Variants in PCDHA2 observed in about 807,000 individuals in gnomAD.
PCDHA2 encodes protocadherin alpha-2.
Under a neutral mutation model 66.0 loss-of-function variants are expected in PCDHA2, and 58 were observed. The observed-to-expected ratio is 0.88, with a 90% CI of 0.71 to 1.09. The LOEUF is 1.09. Ranked by LOEUF, PCDHA2 falls within the 50% of genes least tolerant of loss-of-function variation. The pLI is 0.00. For missense variants in PCDHA2, 1,267 were observed against 1,242.3 expected, an observed-to-expected ratio of 1.02 and a Z score of -0.30; for synonymous variants, 634 against 554.0, an observed-to-expected ratio of 1.14 and a Z score of -2.03.
At chr5:140,918,562 A>G (rs536690328) in intron 1 of PCDHA2, among the ~76,000 whole-genome samples, 17 of 152,330 alleles carry the variant, frequency 1.1e-4, no homozygotes, top group African/African-American at 3.4e-4. Context: ...AGAAGAATGT[A>G]TATTATGCTG....
intron 1 of PCDHA2, chr5:140,824,865 T>C (rs1306398379): frequency 1.3e-5 from 2 of 152,140 alleles, no homozygotes; most frequent in Non-Finnish European, 1.5e-5. Flanking sequence ...TTCAATTGTA[T>C]TTTTGCAGCA....
rs1317761194 is a variant in PCDHA2 at position 140,848,794 on chromosome 5, C to T, written c.2388+51442C>T. The T allele has an allele frequency of 3.1e-6, 5 of 1,592,486 alleles. No homozygotes were observed. The African/African-American group carries it at 5.4e-5, about 17-fold the overall frequency. On this transcript the variant is annotated intron_variant, in intron 1 of 3. Transcript: ENST00000526136. ...CGCGAGGAGCTGTGCGGGCGGAGCG[C>T]GGAGTGCAGCATCCACCTGGAGGTG...
In PCDHA2 at chr5:140,877,706, T is replaced by C. The variant is rs142399025; in HGVS notation, c.2388+80354T>C. On this transcript the variant is annotated intron_variant, in intron 1 of 3. Coordinates refer to ENST00000526136, the MANE Select transcript of PCDHA2 (RefSeq NM_018905.3). ...CCCACGCTGGTGTGCTCCAGCGCCG[T>C]GGGGAGTTGGTCTTACTCGCAGCAG... is the stretch of plus-strand genomic sequence containing the variant. The C allele has an allele frequency of 5.8e-4, 943 of 1,613,918 alleles. 7 individuals carry two copies. In the African/African-American group the frequency reaches 0.011, roughly 19 times the overall value.
chr5:140,901,263 G>A (rs967047702), intron 1 of PCDHA2, among the ~76,000 whole-genome samples: 1 of 151,938 alleles, frequency 6.6e-6, no homozygotes, highest in Admixed American at 6.6e-5. Flanking sequence ...GTGATTGTGG[G>A]GTATTACTCA....
At chr5:140,951,507 C>A (rs2094591964) in intron 1 of PCDHA2, among the ~76,000 whole-genome samples, 1 of 151,952 alleles carries the variant, frequency 6.6e-6, no homozygotes, top group African/African-American at 2.4e-5. Flanking sequence ...AAAAGGAAAG[C>A]GGCTCATCTT....
rs73793505 is a variant in PCDHA2, at chr5:140,858,470, T to C, written c.2388+61118T>C. The C allele has an allele frequency of 3.2e-3, 4,807 of 1,519,778 alleles. 358 individuals are homozygous for C. In the African/African-American group the frequency reaches 0.058, roughly 18 times the overall value. 94.1% of individuals were successfully genotyped at this position (1,519,778 alleles called of 1,614,324 possible). A position where few individuals can be genotyped will look rare whatever the true frequency, so the allele number is the denominator to read the frequency against. On this transcript the variant is annotated intron_variant, in intron 1 of 3. Transcript: ENST00000526136. ...TTACGTTTTCATTTTCCTTTTGTGC[T>C]TTATGAATAATATTTTCTCTTACCG...
intron 1 of PCDHA2, chr5:140,823,668 C>T: frequency 6.2e-7 from 1 of 1,614,060 alleles, no homozygotes; most frequent in South Asian, 1.1e-5. Context: ...GCGAGATCAG[C>T]ACAACACGCT....
intron 1 of PCDHA2, among the ~76,000 whole-genome samples, chr5:140,970,591 T>G (rs1159349152): frequency 2.6e-5 from 4 of 152,150 alleles, no homozygotes; most frequent in African/African-American, 9.7e-5. Flanking sequence ...GAGATATGCT[T>G]TGTGATACTT....
At chr5:140,825,489 C>T (rs189217781) in intron 1 of PCDHA2, 5 of 150,238 alleles carry the variant, frequency 3.3e-5, no homozygotes, top group East Asian at 3.9e-4. Context: ...GTTGCCCAAA[C>T]GAGTGCAATG....
intron 1 of PCDHA2, chr5:140,803,721 TGG>T: frequency 1.4e-6 from 2 of 1,476,862 alleles, no homozygotes; most frequent in Non-Finnish European, 1.8e-6. Context: ...TCCAGTTTTG[TGG>T]TTTTGTGGTT....
At chr5:140,821,286 A>G (rs1383696514) in intron 1 of PCDHA2, among the ~76,000 whole-genome samples, 1 of 152,166 alleles carries the variant, frequency 6.6e-6, no homozygotes, top group Admixed American at 6.5e-5. Context: ...GAAATATATA[A>G]ACTCCTCCCT....
At chr5:140,949,626 G>A (rs2094403314) in intron 1 of PCDHA2, among the ~76,000 whole-genome samples, 1 of 151,546 alleles carries the variant, frequency 6.6e-6, no homozygotes, top group Non-Finnish European at 1.5e-5. Context: ...CTGTTTTCAT[G>A]GCATATTGCT....
intron 1 of PCDHA2, among the ~76,000 whole-genome samples, chr5:140,897,922 C>T (rs1476419563): frequency 3.3e-5 from 5 of 152,164 alleles, no homozygotes; most frequent in Non-Finnish European, 5.9e-5. Context: ...TTTTGATTTG[C>T]GTTTCTCTGA....
intron 1 of PCDHA2, chr5:140,809,172 C>T: frequency 2.5e-6 from 4 of 1,613,996 alleles, no homozygotes; most frequent in Non-Finnish European, 3.4e-6. Flanking sequence ...CTGACGGCCA[C>T]GGCCACTGTG....
At chr5:140,967,921 C>G (rs781932025) in intron 1 of PCDHA2, 1 of 1,614,172 alleles carries the variant, frequency 6.2e-7, no homozygotes, top group East Asian at 2.2e-5. Flanking sequence ...CCATTGTGGC[C>G]GTTCTCAGTG....
chr5:140,798,959 A>G (rs1554120800), intron 1 of PCDHA2, among the ~76,000 whole-genome samples: 1 of 152,224 alleles, frequency 6.6e-6, no homozygotes, highest in South Asian at 2.1e-4. Context: ...ACCTTTAGCC[A>G]TTTCATAGTT....
intron 1 of PCDHA2, chr5:140,856,443 T>C: frequency 6.3e-7 from 1 of 1,598,282 alleles, no homozygotes; most frequent in Non-Finnish European, 8.6e-7. Flanking sequence ...CCGCCCAGGT[T>C]CTCCGTAACA....
In PCDHA2 at chr5:140,851,765, C is replaced by T; in HGVS notation, c.2388+54413C>T. Reference sequence around the variant, plus strand: ...AGAGTCTGTAACTTAAAACATTACCCTTATGAATTTAGATGAGAATTCACT... The same window carrying T: ...AGAGTCTGTAACTTAAAACATTACCTTTATGAATTTAGATGAGAATTCACT... On this transcript the variant is annotated intron_variant, in intron 1 of 3. Transcript: ENST00000526136. 12 of 970,186 alleles carry T rather than the reference C, an allele frequency of 1.2e-5. 1 individual carries two copies. The highest frequency in any genetic ancestry group is 1.4e-5 in the Non-Finnish European group (11 of 802,992). The allele number at this position is 970,186 out of a possible 1,614,324, so 60.1% of individuals were successfully genotyped here. A position where few individuals can be genotyped will look rare whatever the true frequency, so the allele number is the denominator to read the frequency against.
At chr5:140,836,744 T>A in intron 1 of PCDHA2, 1 of 1,588,470 alleles carries the variant, frequency 6.3e-7, no homozygotes, top group Non-Finnish European at 8.5e-7. Context: ...ACAATGTGAG[T>A]CATAAATAAT....
Sources: allele counts gnomAD v4.1 joint callset (sites outside exome capture counted in the v4.1 genomes callset), GRCh38; gene constraint gnomAD v4.1.1; transcripts MANE v1.5; gene names NCBI Gene and HGNC (gene_info 2026-07-23, HGNC 2026-07-21).